Variants in HYDIN observed in about 807,000 individuals in gnomAD.
HYDIN encodes the protein HYDIN axonemal central pair apparatus protein.
HYDIN carries 132 observed loss-of-function variants against 403.9 expected under a neutral mutation model. The observed-to-expected ratio is 0.33, with a 90% CI of 0.28 to 0.38. The LOEUF (loss-of-function observed/expected upper bound fraction) is 0.38. Among genes scored for constraint, HYDIN ranks in the 10% least tolerant of loss-of-function variants. HYDIN has a pLI of 1.00. For synonymous variants in HYDIN, 1,202 were observed against 1,891.7 expected (o/e 0.64, Z 9.46); for missense variants, 2,827 against 5,009.5 (o/e 0.56, Z 13.15).
chr16:70,870,418 G>A (rs531745092), intron 65 of HYDIN, among the ~76,000 whole-genome samples: 1 of 152,132 alleles, frequency 6.6e-6, no homozygotes, highest in East Asian at 2.0e-4. Flanking sequence ...TTTTGTGGGT[G>A]GCCCAGGGAC....
rs543791627 is a variant in HYDIN at position 70,807,589 on chromosome 16, G to T, written c.15357C>A (p.Ile5119=). 1.8e-4 allele frequency: 289 copies of T among 1,610,310 alleles called. No homozygotes were observed. Among genetic ancestry groups the T allele is most frequent in the Non-Finnish European group, 2.3e-4 (273 of 1,177,982 alleles). The part of the protein sequence containing the change: ...GVKWVYYLKG[I]TL ...GTAACCCTGGTTACCACTAAAGGGT[G>T]ATCCCCTTCAGATAATAAACCCATT... Residue 5119 remains isoleucine (I), a synonymous_variant, in exon 86 of 86, where the codon ATC becomes ATA. Coordinates refer to ENST00000393567, the MANE Select transcript of HYDIN (RefSeq NM_001270974.2).
In HYDIN at chr16:71,223,732, T is replaced by C. The variant is rs112558071; in HGVS notation, c.-24+6830A>G. ...ACAGCCAACAAATATGAAAAAATGC[T>C]CATCAGTAGTTGTCAGGGAAATGCA... is the stretch of plus-strand genomic sequence containing the variant. On this transcript the variant is annotated intron_variant, in intron 1 of 85. Coordinates refer to ENST00000393567, the MANE Select transcript of HYDIN (RefSeq NM_001270974.2). 8.5e-3 allele frequency among the ~76,000 whole-genome samples: 1,300 copies of C among 152,140 alleles called. 18 individuals carry two copies. Among genetic ancestry groups the C allele is most frequent in the African/African-American group, 0.03 (1,236 of 41,546 alleles).
At chr16:71,082,986 G>A (rs1192734488) in intron 12 of HYDIN, among the ~76,000 whole-genome samples, 1 of 151,056 alleles carries the variant, frequency 6.6e-6, no homozygotes, top group Non-Finnish European at 1.5e-5. Context: ...GAAACCTCAT[G>A]CCCTTTAGCT....
Position 70,809,926 on chromosome 16 carries a change from A to G in HYDIN, c.14740T>C (p.Tyr4914His), listed in dbSNP as rs1157681631. Residue 4914 changes from tyrosine to histidine, a missense_variant, in exon 85 of 86, where the codon TAC (tyrosine) becomes CAC (histidine). Coordinates refer to ENST00000393567, the MANE Select transcript of HYDIN (RefSeq NM_001270974.2). ...TTCAGATAGAGCTCATATTGGTAGT[A>G]ACCCAAGTCAGTGTTGTGCAAAGTT... ...RLTLHNTDLG[Y>H]YQYELYLKAT... 2 of 1,614,214 alleles carry G rather than the reference A, an allele frequency of 1.2e-6. No homozygotes were observed. Among genetic ancestry groups the G allele is most frequent in the South Asian group, 2.2e-5 (2 of 91,080 alleles).
chr16:71,189,612 A>C (rs1460120312), intron 1 of HYDIN, among the ~76,000 whole-genome samples: 1 of 152,068 alleles, frequency 6.6e-6, no homozygotes, highest in African/African-American at 2.4e-5. Flanking sequence ...CTAAAAATAC[A>C]AAAAATTAGC....
In HYDIN at chr16:71,007,264, GCC is replaced by G. The variant is rs748865505; in HGVS notation, c.3644+10863_3644+10864del. On this transcript the variant is annotated intron_variant, in intron 23 of 85. Coordinates refer to ENST00000393567, the MANE Select transcript of HYDIN (RefSeq NM_001270974.2). ...GTCACTGCTTATCCACCCACCTTGT[GCC>G]CCATGAACGGTTTCCATGTTTGTCT... Among the ~76,000 whole-genome samples, 195 of 152,168 alleles carry G rather than the reference GCC, an allele frequency of 1.3e-3. 1 individual carries two copies. The highest frequency in any genetic ancestry group is 1.2e-3 in the Non-Finnish European group (83 of 68,018).
intron 6 of HYDIN, among the ~76,000 whole-genome samples, chr16:71,161,643 T>G (rs988619621): frequency 5.9e-5 from 9 of 152,140 alleles, no homozygotes; most frequent in African/African-American, 1.9e-4. Flanking sequence ...CTTCTTCTAT[T>G]TTTAAAAGCC....
chr16:71,204,785 C>T (rs1311244862), intron 1 of HYDIN, among the ~76,000 whole-genome samples: 3 of 152,122 alleles, frequency 2.0e-5, no homozygotes, highest in Non-Finnish European at 4.4e-5. Context: ...TTCCCATTAA[C>T]AGCATGAAAA....
chr16:71,178,903 C>T (rs367545404), intron 4 of HYDIN, 25 bp downstream of exon 4: 5 of 1,596,094 alleles, frequency 3.1e-6, no homozygotes, highest in Non-Finnish European at 2.6e-6. Flanking sequence ...TGGAACAGTT[C>T]ACCCACCCCA....
chr16:71,069,968 T>C (rs1032297883), intron 13 of HYDIN, among the ~76,000 whole-genome samples: 6 of 152,330 alleles, frequency 3.9e-5, no homozygotes, highest in Non-Finnish European at 7.3e-5. Context: ...GCCCCCTGGG[T>C]GACCCAGAGC....
chr16:71,063,517 AC>A (rs1481633328), intron 16 of HYDIN, among the ~76,000 whole-genome samples: 1 of 152,214 alleles, frequency 6.6e-6, no homozygotes, highest in Non-Finnish European at 1.5e-5. Flanking sequence ...CTGTGCAGAA[AC>A]AACTTCCCCT....
intron 45 of HYDIN, among the ~76,000 whole-genome samples, chr16:70,925,244 G>A (rs1438106579): frequency 6.6e-6 from 1 of 152,216 alleles, no homozygotes; most frequent in African/African-American, 2.4e-5. Flanking sequence ...CAGCAGTTTG[G>A]GAGGCTGAGA....
chr16:71,040,376 G>T (rs72795706), intron 18 of HYDIN, among the ~76,000 whole-genome samples: 1 of 142,112 alleles, frequency 7.0e-6, no homozygotes, highest in Non-Finnish European at 1.5e-5. Context: ...CTCCTGCTGG[G>T]GATTCTGCAT....
At chr16:71,198,581 T>A (rs1192524316) in intron 1 of HYDIN, among the ~76,000 whole-genome samples, 2 of 152,200 alleles carry the variant, frequency 1.3e-5, no homozygotes, top group Admixed American at 6.5e-5. Flanking sequence ...CAGGATGTCT[T>A]TCAATGCTTT....
At chr16:71,105,162 GAAC>G (rs1473100969) in intron 10 of HYDIN, among the ~76,000 whole-genome samples, 1 of 151,944 alleles carries the variant, frequency 6.6e-6, no homozygotes, top group Non-Finnish European at 1.5e-5. Flanking sequence ...ATTAAAAACT[GAAC>G]AGATGAATAC....
chr16:71,006,568 G>A (rs2079893662), intron 23 of HYDIN, among the ~76,000 whole-genome samples: 2 of 152,118 alleles, frequency 1.3e-5, no homozygotes, highest in Admixed American at 1.3e-4. Flanking sequence ...GGCTATCACA[G>A]GCAGTTGGGG....
intron 18 of HYDIN, among the ~76,000 whole-genome samples, chr16:71,054,060 C>T (rs1389726090): frequency 6.6e-6 from 1 of 152,244 alleles, no homozygotes; most frequent in Non-Finnish European, 1.5e-5. Flanking sequence ...AATGAGGACA[C>T]CGCAAACCTT....
At chr16:71,107,190 C>T (rs999991639) in intron 10 of HYDIN, among the ~76,000 whole-genome samples, 23 of 151,798 alleles carry the variant, frequency 1.5e-4, no homozygotes, top group African/African-American at 5.6e-4. Context: ...GGAGATATAC[C>T]TAATGTTAAA....
At chr16:71,188,103 C>A (rs577102860) in intron 1 of HYDIN, among the ~76,000 whole-genome samples, 1 of 152,186 alleles carries the variant, frequency 6.6e-6, no homozygotes, top group Non-Finnish European at 1.5e-5. Context: ...AAACCAGTAT[C>A]TTTTCCCTAT....
Sources: gnomAD v4.1 joint callset for allele counts (sites outside exome capture counted in the v4.1 genomes callset) on GRCh38, gnomAD v4.1.1 for gene constraint, MANE v1.5 for transcripts, NCBI Gene and HGNC (gene_info 2026-07-23, HGNC 2026-07-21) for gene names.